OPA1: variants seen among roughly 807,000 people sequenced by gnomAD.
The protein encoded by OPA1 is dynamin-like GTPase OPA1, mitochondrial.
Under a neutral mutation model 152.9 loss-of-function variants are expected in OPA1, and 59 were observed. The ratio of observed to expected loss-of-function variants is 0.39; its 90% CI spans 0.31 to 0.48. The LOEUF (loss-of-function observed/expected upper bound fraction) is 0.48, where lower values mean the gene tolerates loss of function less well. OPA1 is among the 20% of genes least tolerant of loss of function. The probability of loss-of-function intolerance (pLI) is 0.96; values close to 1 mark genes in which losing one functional copy is unlikely to be tolerated. For missense variants in OPA1, 1,008 were observed against 1,216.8 expected, an observed-to-expected ratio of 0.83 and a Z score of 2.55; for synonymous variants, 400 against 389.9, an observed-to-expected ratio of 1.03 and a Z score of -0.31.
chr3:193,676,775 T>G (rs1009317775), intron 29 of OPA1, among the ~76,000 whole-genome samples: 1 of 152,058 alleles, frequency 6.6e-6, no homozygotes, highest in Non-Finnish European at 1.5e-5. Context: ...GGTCAGGAGA[T>G]CCAGACCATC....
intron 21 of OPA1, 123 bp from the exon 22 acceptor site, chr3:193,654,739 G>GAAACTTTGATATAAAGTTTATA: frequency 9.8e-7 from 1 of 1,018,906 alleles, no homozygotes; most frequent in Non-Finnish European, 1.5e-6. Context: ...ATATACACAT[G>GAAACTTTGATATAAAGTTTATA]TGAAAACTTA....
Position 193,696,411 on chromosome 3 carries a change from C to T in OPA1, c.*1811C>T, listed in dbSNP as rs571492772. The T allele has an allele frequency of 3.3e-5, 5 of 152,280 alleles. No individual in the cohort carries two copies. The highest frequency in any genetic ancestry group is 2.1e-4 in the South Asian group (1 of 4,826). 9.4% of individuals were successfully genotyped at this position (152,280 alleles called of 1,614,324 possible). ...TTCTTTGAGGAGATCAGTATTGTAA[C>T]GTATGTGAATAGATGATAACAATTA... is the stretch of plus-strand genomic sequence containing the variant. On this transcript the variant is annotated 3_prime_UTR_variant, in exon 31 of 31. Coordinates refer to ENST00000361510, the MANE Select transcript of OPA1 (RefSeq NM_130837.3).
chr3:193,665,527 G>A (rs912845405), intron 27 of OPA1, among the ~76,000 whole-genome samples: 1 of 152,004 alleles, frequency 6.6e-6, no homozygotes, highest in African/African-American at 2.4e-5. Context: ...TAATCATAAA[G>A]TTCTTGTATT....
chr3:193,688,407 G>A (rs987673200), intron 29 of OPA1, among the ~76,000 whole-genome samples: 2 of 136,070 alleles, frequency 1.5e-5, no homozygotes, highest in African/African-American at 2.7e-5. Context: ...CTTAGGAGGT[G>A]TAACTGTTTT....
At chr3:193,612,701 G>A (rs530037290) in intron 1 of OPA1, among the ~76,000 whole-genome samples, 99 of 152,250 alleles carry the variant, frequency 6.5e-4, no homozygotes, top group Non-Finnish European at 1.1e-3. Flanking sequence ...ATTTTTATAC[G>A]TAAAATTAGC....
chr3:193,668,496 T>C, intron 29 of OPA1: 1 of 1,550,518 alleles, frequency 6.4e-7, no homozygotes, highest in Non-Finnish European at 8.7e-7. Context: ...TGCCTCTCCA[T>C]CTCATCCTTC....
chr3:193,634,357 T>C (rs1732597763), intron 8 of OPA1, among the ~76,000 whole-genome samples: 1 of 151,866 alleles, frequency 6.6e-6, no homozygotes, highest in Admixed American at 6.6e-5. Flanking sequence ...GATTTTGGTG[T>C]TTTGTTTTGT....
intron 1 of OPA1, among the ~76,000 whole-genome samples, chr3:193,612,102 A>G (rs1196040059): frequency 1.3e-5 from 2 of 152,108 alleles, no homozygotes; most frequent in East Asian, 1.9e-4. Flanking sequence ...GTAAGCTCCT[A>G]TTAGGATTCT....
chr3:193,666,144 C>G, intron 27 of OPA1, 152 bp from the exon 28 acceptor site: 1 of 696,912 alleles, frequency 1.4e-6, no homozygotes. Flanking sequence ...AGAAAGGATT[C>G]TGTAGCTTAT....
intron 29 of OPA1, among the ~76,000 whole-genome samples, chr3:193,677,979 A>C (rs535000940): frequency 6.6e-6 from 1 of 152,202 alleles, no homozygotes; most frequent in Non-Finnish European, 1.5e-5. Flanking sequence ...TCATGGATCT[A>C]TCATCTGAAA....
Position 193,646,664 on chromosome 3 carries a change from T to C in OPA1, c.1755-401T>C, listed in dbSNP as rs558425806. 1.5e-4 allele frequency: 23 copies of C among 155,342 alleles called. No homozygotes were observed. In the South Asian group the frequency reaches 4.2e-3, roughly 28 times the overall value. 9.6% of individuals were successfully genotyped at this position (155,342 alleles called of 1,614,324 possible). On this transcript the variant is annotated intron_variant, in intron 18 of 30. Coordinates refer to ENST00000361510, the MANE Select transcript of OPA1 (RefSeq NM_130837.3). ...CTGTAACCCCAGCTACTCAGGAGGC[T>C]GAGGCGGGAGAATCGCTTGAACCCC...
At chr3:193,608,823 G>A (rs1271745204) in intron 1 of OPA1, among the ~76,000 whole-genome samples, 1 of 152,008 alleles carries the variant, frequency 6.6e-6, no homozygotes, top group Non-Finnish European at 1.5e-5. Context: ...TCCCATTATT[G>A]TTGTGTGGGA....
At chr3:193,693,134 GC>G (rs146835584) in intron 30 of OPA1, among the ~76,000 whole-genome samples, 2,405 of 152,252 alleles carry the variant, frequency 0.016, 66 homozygotes, top group African/African-American at 0.056. Flanking sequence ...TCCCTCCCTG[GC>G]TACGCTCGGT....
At position 193,646,105 on chromosome 3, in the gene OPA1, T is replaced by A. The variant is rs140563208; in HGVS notation, c.1754+305T>A. On this transcript the variant is annotated intron_variant, in intron 18 of 30. Coordinates refer to ENST00000361510, the MANE Select transcript of OPA1 (RefSeq NM_130837.3). ...TAAAGTGGTTTTAGAAAATCGACGC[T>A]TTCACTTTTAAACGTGTACATATTT... is the stretch of plus-strand genomic sequence containing the variant. 3.1e-3 allele frequency among the ~76,000 whole-genome samples: 466 copies of A among 152,330 alleles called. 3 individuals carry two copies. The highest frequency in any genetic ancestry group is 0.017 in the South Asian group (81 of 4,832).
intron 20 of OPA1, 157 bp downstream of exon 20, chr3:193,648,291 T>C: frequency 5.1e-6 from 3 of 585,126 alleles, no homozygotes; most frequent in South Asian, 2.1e-5. Context: ...CAGTTATCTC[T>C]TTCAGTAATT....
chr3:193,616,138 A>G (rs1272407996), intron 3 of OPA1, among the ~76,000 whole-genome samples: 1 of 152,140 alleles, frequency 6.6e-6, no homozygotes, highest in African/African-American at 2.4e-5. Context: ...CTGCCTCCCA[A>G]GTAGCCGGGA....
In OPA1 at chr3:193,626,213, G is replaced by T. The variant is rs551547873; in HGVS notation, c.789+11G>T. 3 of 1,592,162 alleles carry T rather than the reference G, an allele frequency of 1.9e-6. No homozygotes were observed. The highest frequency in any genetic ancestry group is 2.2e-5 in the South Asian group (2 of 90,610). On this transcript the variant is annotated intron_variant, in intron 7 of 30. Coordinates refer to ENST00000361510, the MANE Select transcript of OPA1 (RefSeq NM_130837.3). ...CAACAGAAGCGCAAGGTGATGGATG[G>T]TTTAAGGGGGCTACCGATACATTCA...
chr3:193,659,633 A>T, intron 25 of OPA1, 72 bp downstream of exon 25: 1 of 1,201,528 alleles, frequency 8.3e-7, no homozygotes, highest in African/African-American at 1.5e-5. Context: ...TTAAAATATA[A>T]CCTTTTTGTG....
chr3:193,669,377 A>T (rs1717416663), intron 29 of OPA1, among the ~76,000 whole-genome samples: 1 of 151,986 alleles, frequency 6.6e-6, no homozygotes, highest in South Asian at 2.1e-4. Flanking sequence ...GGTTTTTCTC[A>T]TGCCACCTTG....
Sources: allele counts gnomAD v4.1 joint callset (sites outside exome capture counted in the v4.1 genomes callset), GRCh38; gene constraint gnomAD v4.1.1; transcripts MANE v1.5; gene names NCBI Gene and HGNC (gene_info 2026-07-23, HGNC 2026-07-21).